The following KIF3C variants were observed in gnomAD, a reference collection of about 807,000 sequenced individuals.
The protein encoded by KIF3C is kinesin-like protein KIF3C.
A neutral mutation model predicts 67.7 loss-of-function variants in KIF3C; 12 were observed. That is an observed-to-expected ratio of 0.18 (90% CI 0.11 to 0.29). KIF3C has a LOEUF of 0.29. Among genes scored for constraint, KIF3C ranks in the 10% least tolerant of loss-of-function variants. The pLI is 1.00. For synonymous variants in KIF3C, 393 were observed against 426.2 expected, an observed-to-expected ratio of 0.92 and a Z score of 0.96; for missense variants, 789 against 1,059.6, an observed-to-expected ratio of 0.74 and a Z score of 3.55.
chr2:25,973,742 T>A (rs1397082465), intron 1 of KIF3C, among the ~76,000 whole-genome samples: 1 of 152,160 alleles, frequency 6.6e-6, no homozygotes, highest in African/African-American at 2.4e-5. Context: ...ACTCCCTGGT[T>A]ACCAGCAACA....
rs1415472671 is a variant in KIF3C at position 25,926,996 on chromosome 2, G to A, written c.*1982C>T. 1 of 152,548 alleles carries A rather than the reference G, an allele frequency of 6.6e-6. No homozygotes were observed. The highest frequency in any genetic ancestry group is 1.5e-5 in the Non-Finnish European group (1 of 68,052). The allele number at this position is 152,548 out of a possible 1,614,324, so 9.4% of individuals were successfully genotyped here. On this transcript the variant is annotated 3_prime_UTR_variant, in exon 8 of 8. Transcript: ENST00000264712. The stretch of plus-strand genomic sequence containing the variant: ...CCCTGTTCCCAGCAGATCTTACACT[G>A]AGTGTAGAGTGTCCCCTGTGGAGGT...
chr2:25,973,405 T>A (rs904884664), intron 1 of KIF3C, among the ~76,000 whole-genome samples: 1 of 151,974 alleles, frequency 6.6e-6, no homozygotes, highest in Non-Finnish European at 1.5e-5. Context: ...AATACAAAAC[T>A]TAGCCAGGTG....
At chr2:25,938,798 G>A (rs1663208959) in intron 5 of KIF3C, among the ~76,000 whole-genome samples, 1 of 152,078 alleles carries the variant, frequency 6.6e-6, no homozygotes, top group Non-Finnish European at 1.5e-5. Flanking sequence ...CCTCCCAGCA[G>A]GGCCCCACAA....
In KIF3C at chr2:25,982,401, C is replaced by G. The variant is rs1360167264; in HGVS notation, c.-484G>C. 1 of 398,528 alleles carries G rather than the reference C, an allele frequency of 2.5e-6. No homozygotes were observed. Among genetic ancestry groups the G allele is most frequent in the Non-Finnish European group, 4.4e-6 (1 of 226,072 alleles). The allele number at this position is 398,528 out of a possible 1,614,324, so 24.7% of individuals were successfully genotyped here. On this transcript the variant is annotated 5_prime_UTR_variant, in exon 1 of 8. Transcript: ENST00000264712. ...GCAGAGGCTCACCTGGAGTCCTCCC[C>G]CCAAGCTGGGGGATCATTCATTGCA... is the stretch of plus-strand genomic sequence containing the variant.
In KIF3C at chr2:25,942,839, T is replaced by C. The variant is rs531057088; in HGVS notation, c.2006+8950A>G. On this transcript the variant is annotated intron_variant, in intron 5 of 7. Transcript: ENST00000264712. ...AGAGAAAAAAAAGAAAGGGCTAAAC[T>C]TCCAAAATAAGTTGATTAGGAATAT... 1.2e-4 allele frequency among the ~76,000 whole-genome samples: 19 copies of C among 152,296 alleles called. No individual in the cohort carries two copies. The South Asian group carries it at 3.7e-3, about 30-fold the overall frequency.
chr2:25,971,451 G>GAAAAAGA (rs969011526), intron 1 of KIF3C, among the ~76,000 whole-genome samples: 2 of 150,474 alleles, frequency 1.3e-5, no homozygotes, highest in East Asian at 3.9e-4. Flanking sequence ...AAAAAAAAAA[G>GAAAAAGA]AAAAAGAAAA....
At chr2:25,935,357 G>A (rs965189761) in intron 5 of KIF3C, among the ~76,000 whole-genome samples, 2 of 152,060 alleles carry the variant, frequency 1.3e-5, no homozygotes, top group Admixed American at 6.6e-5. Context: ...ACATGCAGGG[G>A]TATTTGCTGA....
chr2:25,977,863 C>T (rs1664456168), intron 1 of KIF3C, among the ~76,000 whole-genome samples: 1 of 152,172 alleles, frequency 6.6e-6, no homozygotes, highest in Non-Finnish European at 1.5e-5. Context: ...AACTTGGGTC[C>T]TCTGTCTAGG....
chr2:25,936,960 C>T (rs947920313), intron 5 of KIF3C, among the ~76,000 whole-genome samples: 2 of 152,232 alleles, frequency 1.3e-5, no homozygotes, highest in Non-Finnish European at 2.9e-5. Context: ...TCTGCCCCTT[C>T]AAGCTCTTTT....
intron 5 of KIF3C, 151 bp downstream of exon 5, chr2:25,951,638 G>A (rs1439064750): frequency 2.2e-5 from 13 of 596,128 alleles, no homozygotes; most frequent in Non-Finnish European, 6.0e-6. Flanking sequence ...TAGATCCTGA[G>A]AAATTCATCC....
At position 25,930,695 on chromosome 2, in the gene KIF3C, G is replaced by A. The variant is rs149347935; in HGVS notation, c.2007-632C>T. Among the ~76,000 whole-genome samples, 879 of 152,112 alleles carry A rather than the reference G, an allele frequency of 5.8e-3. 12 individuals are homozygous for A. Among genetic ancestry groups the A allele is most frequent in the African/African-American group, 0.02 (834 of 41,508 alleles). On this transcript the variant is annotated intron_variant, in intron 5 of 7. Transcript: ENST00000264712. Reference sequence around the variant, plus strand: ...TTGGATTATAGGCATGTGGCACCACGCCTGGCTAATTTTTTGTATTTTTAG... The same window carrying A: ...TTGGATTATAGGCATGTGGCACCACACCTGGCTAATTTTTTGTATTTTTAG...
intron 1 of KIF3C, among the ~76,000 whole-genome samples, chr2:25,962,850 A>AATAT (rs1391718623): frequency 1.8e-5 from 1 of 55,608 alleles, no homozygotes; most frequent in South Asian, 3.7e-4. Context: ...TATAATATAT[A>AATAT]ATATAATATA....
chr2:25,946,643 G>A (rs868131866), intron 5 of KIF3C, among the ~76,000 whole-genome samples: 9 of 152,090 alleles, frequency 5.9e-5, no homozygotes, highest in East Asian at 3.9e-4. Context: ...AGCCAAGATC[G>A]CGCCACTGCA....
In KIF3C at chr2:25,928,967, C is replaced by T. The variant is rs765824624; in HGVS notation, c.*11G>A. The T allele has an allele frequency of 5.6e-6, 9 of 1,610,306 alleles. No individual in the cohort carries two copies. In the Admixed American group the frequency reaches 6.7e-5, roughly 12 times the overall value. On this transcript the variant is annotated 3_prime_UTR_variant, in exon 8 of 8. Transcript: ENST00000264712. The stretch of plus-strand genomic sequence containing the variant: ...GGAGTCTATTGGATGGGCAGCCTGA[C>T]GTGATGGTTGTCACTCATGGTCCGC...
chr2:25,942,335 G>T (rs1488456546), intron 5 of KIF3C, among the ~76,000 whole-genome samples: 2 of 152,072 alleles, frequency 1.3e-5, no homozygotes, highest in Non-Finnish European at 2.9e-5. Context: ...TCCAGCTTAG[G>T]CGACGGTCTA....
chr2:25,970,965 G>GAAA (rs970182694), intron 1 of KIF3C, among the ~76,000 whole-genome samples: 1 of 49,336 alleles, frequency 2.0e-5, no homozygotes, highest in Non-Finnish European at 3.7e-5. Context: ...CTCTATGAAG[G>GAAA]AAAAAAAAAA....
At chr2:25,968,219 G>A (rs145353918) in intron 1 of KIF3C, among the ~76,000 whole-genome samples, 1 of 152,186 alleles carries the variant, frequency 6.6e-6, no homozygotes, top group Middle Eastern at 3.2e-3. Flanking sequence ...ACAAAAATCA[G>A]GAGACTGAGT....
intron 1 of KIF3C, among the ~76,000 whole-genome samples, chr2:25,978,705 T>C (rs182051708): frequency 1.3e-5 from 2 of 152,216 alleles, no homozygotes; most frequent in East Asian, 1.9e-4. Flanking sequence ...AAGTGTGTTA[T>C]TGCATTTTCC....
intron 5 of KIF3C, among the ~76,000 whole-genome samples, chr2:25,935,763 C>A (rs746921134): frequency 4.6e-5 from 7 of 152,112 alleles, no homozygotes; most frequent in Non-Finnish European, 1.0e-4. Flanking sequence ...TATGAAGGAA[C>A]TTTATGTAGT....
Sources: allele counts gnomAD v4.1 joint callset (sites outside exome capture counted in the v4.1 genomes callset), GRCh38; gene constraint gnomAD v4.1.1; transcripts MANE v1.5; gene names NCBI Gene and HGNC (gene_info 2026-07-23, HGNC 2026-07-21).